The following MAMDC4 variants were observed in gnomAD, a reference collection of about 807,000 sequenced individuals.
The protein encoded by MAMDC4 is MAM domain containing 4, also known as apical endosomal glycoprotein.
A neutral mutation model predicts 153.3 loss-of-function variants in MAMDC4; 168 were observed. The observed-to-expected ratio is 1.10, with a 90% CI of 0.97 to 1.25. MAMDC4 has a LOEUF of 1.25. Ranked by LOEUF, MAMDC4 falls within the 50% of genes most tolerant of loss-of-function variation. MAMDC4 has a pLI of 0.00. For synonymous variants in MAMDC4, 744 were observed against 651.5 expected, an observed-to-expected ratio of 1.14 and a Z score of -2.16; for missense variants, 1,701 against 1,542.8, an observed-to-expected ratio of 1.10 and a Z score of -1.72.
chr9:136,853,356 C>T lies in MAMDC4; in HGVS notation c.226C>T (p.Arg76Trp), dbSNP rs1383747941. The stretch of plus-strand genomic sequence containing the variant: ...CTTCGAGCAGGACCCCTGCGGCTGG[C>T]GGGACATTAGTACCTCAGGCTACAG... ...CDFEQDPCGW[R>W]DISTSGYSWL... The change falls in exon 3 of 27, where the codon CGG becomes TGG. Residue 76 changes from arginine to tryptophan, a missense_variant. By Grantham distance (101) the Arg-to-Trp change is moderately radical (BLOSUM62 -3). Coordinates refer to ENST00000317446, the MANE Select transcript of MAMDC4 (RefSeq NM_206920.3). 2.5e-6 allele frequency: 4 copies of T among 1,606,758 alleles called. No homozygotes were observed. Among genetic ancestry groups the T allele is most frequent in the Middle Eastern group, 1.6e-4 (1 of 6,070 alleles).
At position 136,860,663 on chromosome 9, in the gene MAMDC4, C is replaced by A; in HGVS notation, c.*60C>A. 2 of 1,594,568 alleles carry A rather than the reference C, an allele frequency of 1.3e-6. No individual in the cohort carries two copies. The highest frequency in any genetic ancestry group is 1.7e-6 in the Non-Finnish European group (2 of 1,164,156). Reference sequence around the variant, plus strand: ...CATCCAGCACTTGGTCAGACCCTAGCCAGGGACCGGACACCTGCCCCGCCC... The same window carrying A: ...CATCCAGCACTTGGTCAGACCCTAGACAGGGACCGGACACCTGCCCCGCCC... On this transcript the variant is annotated 3_prime_UTR_variant, in exon 27 of 27. Coordinates refer to ENST00000317446, the MANE Select transcript of MAMDC4 (RefSeq NM_206920.3).
Position 136,859,931 on chromosome 9 carries a change from C to CCCT in MAMDC4, c.3243_3245dup (p.Leu1084dup). Reference sequence around the variant, plus strand: ...TCTGTGCCAGCTGTGGTTGGCAGTGCCCTCCTATTGCTCATGCTCCTGGTG... The same window carrying CCCT: ...TCTGTGCCAGCTGTGGTTGGCAGTGCCCTCCTCCTATTGCTCATGCTCCTGGTG... On this transcript the variant is annotated inframe_insertion, in exon 26 of 27. Coordinates refer to ENST00000317446, the MANE Select transcript of MAMDC4 (RefSeq NM_206920.3). 6.2e-7 allele frequency: 1 copy of CCCT among 1,612,804 alleles called. No homozygotes were observed. Among genetic ancestry groups the CCCT allele is most frequent in the Non-Finnish European group, 8.5e-7 (1 of 1,179,956 alleles).
chr9:136,855,800 C>T lies in MAMDC4; in HGVS notation c.1540C>T (p.Arg514Trp), dbSNP rs1314378264. ...CGCCAGCGTGGGGCGGCTGCAGTGG[C>T]GGCGTGTCTCAGCCCAGGAGAGCCA... is the stretch of plus-strand genomic sequence containing the variant. ...EDASVGRLQW[R>W]RVSAQESQGS... Residue 514 changes from arginine to tryptophan, a missense_variant, in exon 13 of 27, where the codon CGG (arginine) becomes TGG (tryptophan). Transcript: ENST00000317446. The T allele has an allele frequency of 6.5e-7, 1 of 1,544,814 alleles. No homozygotes were observed. Among genetic ancestry groups the T allele is most frequent in the Middle Eastern group, 1.9e-4 (1 of 5,340 alleles).
rs1849026024 is a variant in MAMDC4, at chr9:136,857,640, C to T, written c.2327-19C>T. The T allele has an allele frequency of 6.2e-7, 1 of 1,612,324 alleles. No individual in the cohort carries two copies. Among genetic ancestry groups the T allele is most frequent in the African/African-American group, 1.3e-5 (1 of 74,914 alleles). On this transcript the variant is annotated intron_variant, in intron 18 of 26. Coordinates refer to ENST00000317446, the MANE Select transcript of MAMDC4 (RefSeq NM_206920.3). ...GAGGGGCTGGCCAGGGGCTGGCAGG[C>T]TGATGCTGGCACCTCCAGGGCACTA...
intron 14 of MAMDC4, 33 bp downstream of exon 14, chr9:136,856,182 C>A: frequency 6.2e-7 from 1 of 1,611,462 alleles, no homozygotes; most frequent in Non-Finnish European, 8.5e-7. Context: ...CCCTGGCCAG[C>A]CCCTGGGTGC....
In MAMDC4 at chr9:136,854,676, G is replaced by A; in HGVS notation, c.934G>A (p.Gly312Ser). ...RRDHSRNSAQ[G>S]SFLVSVAEPG... ...TGACCACAGCCGGAACAGTGCACAG[G>A]GTGAGGCCCACAGAGGACCCGGCCC... Residue 312 changes from glycine to serine, a missense_variant and splice_region_variant, in exon 8 of 27, where the codon GGC becomes AGC. Transcript: ENST00000317446. The A allele has an allele frequency of 6.2e-7, 1 of 1,611,040 alleles. No individual in the cohort carries two copies. Among genetic ancestry groups the A allele is most frequent in the Non-Finnish European group, 8.5e-7 (1 of 1,179,256 alleles).
Position 136,857,706 on chromosome 9 carries a change from C to G in MAMDC4, c.2374C>G (p.Gln792Glu). 6.2e-7 allele frequency: 1 copy of G among 1,612,622 alleles called. No homozygotes were observed. Among genetic ancestry groups the G allele is most frequent in the Non-Finnish European group, 8.5e-7 (1 of 1,179,844 alleles). ...DTSPDALPRG[Q>E]TASLTSKEHR... ...AAGCCCAGACGCACTACCCCGGGGC[C>G]AGACGGCCTCCCTGACCTCCAAGGA... is the stretch of plus-strand genomic sequence containing the variant. Residue 792 changes from glutamine to glutamate, a missense_variant, in exon 19 of 27, where the codon CAG (glutamine) becomes GAG (glutamate). By Grantham distance (29) the Gln-to-Glu change is conservative (BLOSUM62 2). Transcript: ENST00000317446.
intron 25 of MAMDC4, chr9:136,859,607 G>C (rs924824333): frequency 3.4e-6 from 2 of 593,768 alleles, no homozygotes; most frequent in Non-Finnish European, 5.9e-6. Context: ...GTCCATCCTG[G>C]AGGAACCGCC....
chr9:136,858,062 G>A lies in MAMDC4; in HGVS notation c.2548G>A (p.Gly850Ser), dbSNP rs369266887. The A allele has an allele frequency of 4.6e-6, 7 of 1,530,552 alleles. No individual in the cohort carries two copies. Among genetic ancestry groups the A allele is most frequent in the Non-Finnish European group, 6.1e-6 (7 of 1,140,522 alleles). 94.8% of individuals were successfully genotyped at this position (1,530,552 alleles called of 1,614,324 possible). Residue 850 changes from glycine (G) to serine (S), a missense_variant, in exon 20 of 27, where the codon GGC becomes AGC. Physicochemically the swap from Gly to Ser is moderately conservative, Grantham distance 56. Transcript: ENST00000317446. ...SAHGGLAWRLGSMDVQAERAW... is the reference protein window; with the variant it reads ...SAHGGLAWRLSSMDVQAERAW... ...CCACGGCGGGCTTGCCTGGCGCCTGGGCAGCATGGACGTGCAGGCCGAGCG... is the reference window on the plus strand; with the variant it reads ...CCACGGCGGGCTTGCCTGGCGCCTGAGCAGCATGGACGTGCAGGCCGAGCG...
At chr9:136,856,566 A>C in intron 14 of MAMDC4, 144 bp from the exon 15 acceptor site, 1 of 839,398 alleles carries the variant, frequency 1.2e-6, no homozygotes, top group Non-Finnish European at 2.1e-6. Flanking sequence ...GACCACCGAG[A>C]GAGACAGAGG....
At position 136,859,471 on chromosome 9, in the gene MAMDC4, T is replaced by C. The variant is rs1849056052; in HGVS notation, c.3193+154T>C. On this transcript the variant is annotated intron_variant, in intron 25 of 26. Transcript: ENST00000317446. ...GCTGCCAGGCCCAGGCCCTGTGCCCTCCTCACTCTGCCCTGCTCACCCCTG... is the reference window on the plus strand; with the variant it reads ...GCTGCCAGGCCCAGGCCCTGTGCCCCCCTCACTCTGCCCTGCTCACCCCTG... 8.3e-6 allele frequency: 6 copies of C among 725,192 alleles called. No homozygotes were observed. In the East Asian group the frequency reaches 1.7e-4, roughly 20 times the overall value. The allele number at this position is 725,192 out of a possible 1,614,324, so 44.9% of individuals were successfully genotyped here. A position where few individuals can be genotyped will look rare whatever the true frequency, so the allele number is the denominator to read the frequency against.
At position 136,855,351 on chromosome 9, in the gene MAMDC4, A is replaced by G; in HGVS notation, c.1282+13A>G. ...AGACCAGTCTCGGGTGAGCCTGCTG[A>G]CTCTGCCCTACCCTGCCTTGCCCTG... On this transcript the variant is annotated intron_variant, in intron 11 of 26. Transcript: ENST00000317446. 1 of 1,599,636 alleles carries G rather than the reference A, an allele frequency of 6.3e-7. No homozygotes were observed. The highest frequency in any genetic ancestry group is 8.5e-7 in the Non-Finnish European group (1 of 1,172,682).
rs758902427 is a variant in MAMDC4, at chr9:136,854,834, G to A, written c.1007G>A (p.Gly336Asp). Reference protein sequence around the residue: ...ILSSPEFQASGTSNCSLVFYQ... With the variant: ...ILSSPEFQASDTSNCSLVFYQ... ...TCCAGCCCCGAATTCCAAGCCTCAG[G>A]CACCTCCAACTGCTCGGTGAGATGG... is the stretch of plus-strand genomic sequence containing the variant. The change falls in exon 9 of 27, where the codon GGC becomes GAC. Residue 336 changes from glycine (G) to aspartate (D), a missense_variant. Coordinates refer to ENST00000317446, the MANE Select transcript of MAMDC4 (RefSeq NM_206920.3). The A allele has an allele frequency of 5.0e-6, 8 of 1,612,796 alleles. No homozygotes were observed. Among genetic ancestry groups the A allele is most frequent in the Non-Finnish European group, 6.8e-6 (8 of 1,179,864 alleles).
In MAMDC4 at chr9:136,853,304, C is replaced by T; in HGVS notation, c.174C>T (p.Pro58=). ...TCCCAGGTTACCACGGGGCCTCGCC[C>T]ACCCTGGGCGCCCCCTTCGCCTGTG... ...EAQCGYHGAS[P]TLGAPFACDF... The change falls in exon 3 of 27, where the codon CCC becomes CCT. Residue 58 remains proline (P), a synonymous_variant. Coordinates refer to ENST00000317446, the MANE Select transcript of MAMDC4 (RefSeq NM_206920.3). The T allele has an allele frequency of 6.2e-7, 1 of 1,602,296 alleles. No homozygotes were observed. The highest frequency in any genetic ancestry group is 8.5e-7 in the Non-Finnish European group (1 of 1,172,404).
In MAMDC4 at chr9:136,859,230, G is replaced by C. The variant is rs140202684; in HGVS notation, c.3106G>C (p.Gly1036Arg). Reference sequence around the variant, plus strand: ...TCAGATCGTGTTTGAAGCCACTCTGGGCGGCCAGCCAGCCCTGGGGCCCAT... The same window carrying C: ...TCAGATCGTGTTTGAAGCCACTCTGCGCGGCCAGCCAGCCCTGGGGCCCAT... Reference protein sequence around the residue: ...EFQIVFEATLGGQPALGPIAL... With the variant: ...EFQIVFEATLRGQPALGPIAL... The change falls in exon 25 of 27, where the codon GGC (glycine) becomes CGC (arginine). Residue 1036 changes from glycine (G) to arginine (R), a missense_variant. Coordinates refer to ENST00000317446, the MANE Select transcript of MAMDC4 (RefSeq NM_206920.3). 482 of 1,611,850 alleles carry C rather than the reference G, an allele frequency of 3.0e-4. No individual in the cohort carries two copies. The highest frequency in any genetic ancestry group is 3.0e-4 in the Non-Finnish European group (348 of 1,179,356).
chr9:136,853,725 G>GGGGGGGGGGC (rs2131232463), intron 4 of MAMDC4, 52 bp from the exon 5 acceptor site: 1 of 579,862 alleles, frequency 1.7e-6, no homozygotes, highest in Non-Finnish European at 3.3e-6. Flanking sequence ...GGGCGGGTGG[G>GGGGGGGGGGC]CAGCTGGGGA....
At position 136,854,354 on chromosome 9, in the gene MAMDC4, G is replaced by T; in HGVS notation, c.796+18G>T. The stretch of plus-strand genomic sequence containing the variant: ...CACCTGTGGTGAGGCCGGAGTGGGG[G>T]CCCAGAGTGAGGCTGGGAGACTGGA... On this transcript the variant is annotated intron_variant, in intron 7 of 26. Coordinates refer to ENST00000317446, the MANE Select transcript of MAMDC4 (RefSeq NM_206920.3). The T allele has an allele frequency of 6.5e-6, 10 of 1,529,842 alleles. No homozygotes were observed. Among genetic ancestry groups the T allele is most frequent in the Non-Finnish European group, 8.8e-6 (10 of 1,138,106 alleles). The allele number at this position is 1,529,842 out of a possible 1,614,324, so 94.8% of individuals were successfully genotyped here.
rs1172507851 is a variant in MAMDC4 at position 136,855,485 on chromosome 9, C to A, written c.1337C>A (p.Pro446His). 2 of 1,602,286 alleles carry A rather than the reference C, an allele frequency of 1.2e-6. No homozygotes were observed. Among genetic ancestry groups the A allele is most frequent in the Admixed American group, 1.7e-5 (1 of 58,940 alleles). Reference protein sequence around the residue: ...PPGPRAPAPQPLPPSSRLQDS... With the variant: ...PPGPRAPAPQHLPPSSRLQDS... ...GGGCCCCGGGCCCCAGCCCCCCAGCCCCTGCCGCCCAGCTCGCGGCTCCAG... is the reference window on the plus strand; with the variant it reads ...GGGCCCCGGGCCCCAGCCCCCCAGCACCTGCCGCCCAGCTCGCGGCTCCAG... Residue 446 changes from proline (P) to histidine (H), a missense_variant, in exon 12 of 27, where the codon CCC becomes CAC. Pro to His is a moderately conservative substitution (Grantham distance 77). Coordinates refer to ENST00000317446, the MANE Select transcript of MAMDC4 (RefSeq NM_206920.3).
In MAMDC4 at chr9:136,858,422, C is replaced by G. The variant is rs141024766; in HGVS notation, c.2697C>G (p.Gly899=). The G allele has an allele frequency of 3.3e-4, 533 of 1,604,548 alleles. 2 individuals are homozygous for G. The highest frequency in any genetic ancestry group is 2.3e-3 in the Middle Eastern group (14 of 6,060). The change falls in exon 22 of 27, where the codon GGC becomes GGG. Residue 899 remains glycine, a synonymous_variant. Coordinates refer to ENST00000317446, the MANE Select transcript of MAMDC4 (RefSeq NM_206920.3). ...CAGGTTCCTGTGATTTTGAGTCTGG[C>G]CTGTGTGGCTGGAGCCACCTGGCCT... ...PQPGSCDFES[G]LCGWSHLAWP...
Sources: allele counts gnomAD v4.1 joint callset, GRCh38; gene constraint gnomAD v4.1.1; transcripts MANE v1.5; gene names NCBI Gene and HGNC (gene_info 2026-07-23, HGNC 2026-07-21).